DCC: variants seen among roughly 807,000 people sequenced by gnomAD.
DCC encodes DCC netrin 1 receptor.
In DCC, 58 loss-of-function variants were observed where a neutral mutation model predicts 172.5. That is an observed-to-expected ratio of 0.34 (90% CI 0.27 to 0.42). The LOEUF is 0.42. DCC is among the 10% of genes least tolerant of loss of function. The probability of loss-of-function intolerance (pLI) is 1.00; values close to 1 mark genes in which losing one functional copy is unlikely to be tolerated. For missense variants in DCC, 1,740 were observed against 1,791.0 expected, an observed-to-expected ratio of 0.97 and a Z score of 0.51; for synonymous variants, 709 against 644.5, an observed-to-expected ratio of 1.10 and a Z score of -1.52.
At chr18:52,608,296 G>T (rs950212248) in intron 1 of DCC, among the ~76,000 whole-genome samples, 1 of 152,134 alleles carries the variant, frequency 6.6e-6, no homozygotes, top group Non-Finnish European at 1.5e-5. Context: ...AACAGACCTT[G>T]TTTTGAACAC....
chr18:52,921,103 T>C (rs1432792824), intron 3 of DCC, among the ~76,000 whole-genome samples: 3 of 151,190 alleles, frequency 2.0e-5, no homozygotes, highest in Admixed American at 6.6e-5. Context: ...GTAATACATA[T>C]ATATGACATG....
At chr18:53,043,033 C>A (rs771870218) in intron 5 of DCC, among the ~76,000 whole-genome samples, 20 of 151,870 alleles carry the variant, frequency 1.3e-4, no homozygotes, top group Non-Finnish European at 2.5e-4. Context: ...TTTATTGCAG[C>A]AGTATTCACA....
chr18:53,353,767 C>A (rs2057841143), intron 15 of DCC, among the ~76,000 whole-genome samples: 1 of 151,378 alleles, frequency 6.6e-6, no homozygotes, highest in Non-Finnish European at 1.5e-5. Flanking sequence ...TGCACTTGTT[C>A]TTTTTTTTTA....
At chr18:52,709,256 T>C (rs1037576719) in intron 1 of DCC, among the ~76,000 whole-genome samples, 7 of 152,216 alleles carry the variant, frequency 4.6e-5, no homozygotes, top group Non-Finnish European at 7.4e-5. Context: ...GTATTTGATA[T>C]CTGTTCAATT....
intron 1 of DCC, among the ~76,000 whole-genome samples, chr18:52,389,403 G>A (rs541768009): frequency 3.9e-4 from 60 of 152,200 alleles, no homozygotes; most frequent in African/African-American, 1.3e-3. Flanking sequence ...TTAACTGGAC[G>A]TCTTGGATTT....
intron 1 of DCC, among the ~76,000 whole-genome samples, chr18:52,721,365 A>G (rs2036471580): frequency 6.6e-6 from 1 of 152,220 alleles, no homozygotes; most frequent in Admixed American, 6.5e-5. Context: ...AAAATTCTCA[A>G]AATAATGATA....
rs774448067 is a variant in DCC, at chr18:53,207,741, T to G, written c.1785T>G (p.Ser595Arg). Residue 595 changes from serine to arginine, a missense_variant, in exon 11 of 29, where the codon AGT (serine) becomes AGG (arginine). Physicochemically the swap from Ser to Arg is moderately radical, Grantham distance 110. Around this residue, in one of 2 missense-constraint regions of DCC, gnomAD observed 1,732 missense variants for 1,767.4 expected, o/e 0.98. Coordinates refer to ENST00000442544, the MANE Select transcript of DCC (RefSeq NM_005215.4). ...GCCTGAAAAAATTCACCGAATATAGTCTTCGATTCTTAGCTTATAATCGCT... is the reference window on the plus strand; with the variant it reads ...GCCTGAAAAAATTCACCGAATATAGGCTTCGATTCTTAGCTTATAATCGCT... ...LEGLKKFTEYSLRFLAYNRYG... is the reference protein window; with the variant it reads ...LEGLKKFTEYRLRFLAYNRYG... The G allele has an allele frequency of 1.9e-6, 3 of 1,612,780 alleles. No individual in the cohort carries two copies. In the Admixed American group the frequency reaches 5.0e-5, roughly 27 times the overall value.
chr18:53,526,926 G>T, intron 28 of DCC, 167 bp downstream of exon 28: 1 of 693,514 alleles, frequency 1.4e-6, no homozygotes, highest in East Asian at 2.7e-5. Context: ...ATATGAAGAG[G>T]AAATAAAAGC....
intron 23 of DCC, among the ~76,000 whole-genome samples, chr18:53,455,613 C>T (rs974601700): frequency 6.6e-6 from 1 of 152,158 alleles, no homozygotes; most frequent in African/African-American, 2.4e-5. Context: ...TTATTGTGTG[C>T]TTTATATGGG....
At chr18:52,646,490 C>T (rs1392341246) in intron 1 of DCC, among the ~76,000 whole-genome samples, 1 of 152,160 alleles carries the variant, frequency 6.6e-6, no homozygotes. Context: ...ACAAGACTGC[C>T]TGTTACTTCA....
At chr18:52,456,455 G>C (rs1321207629) in intron 1 of DCC, among the ~76,000 whole-genome samples, 1 of 152,060 alleles carries the variant, frequency 6.6e-6, no homozygotes, top group South Asian at 2.1e-4. Flanking sequence ...ATATAGTAAA[G>C]GTTATTCAAA....
intron 1 of DCC, among the ~76,000 whole-genome samples, chr18:52,685,669 A>C (rs2035819278): frequency 6.6e-6 from 1 of 152,044 alleles, no homozygotes. Flanking sequence ...ATAGCATAAT[A>C]GTGTTTGTTT....
intron 9 of DCC, among the ~76,000 whole-genome samples, chr18:53,181,280 A>G (rs1204531530): frequency 6.6e-6 from 1 of 152,134 alleles, no homozygotes; most frequent in African/African-American, 2.4e-5. Flanking sequence ...ATTACATTGC[A>G]TTTCTGATAA....
chr18:52,487,729 T>G (rs965389487), intron 1 of DCC, among the ~76,000 whole-genome samples: 6 of 143,654 alleles, frequency 4.2e-5, no homozygotes, highest in African/African-American at 1.5e-4. Flanking sequence ...AAGGATGGTT[T>G]GAATTCATGA....
chr18:53,449,620 G>C (rs1227838358), intron 22 of DCC, among the ~76,000 whole-genome samples: 1 of 152,180 alleles, frequency 6.6e-6, no homozygotes, highest in African/African-American at 2.4e-5. Context: ...GCATCAAATA[G>C]TGTTTCCTCA....
At chr18:53,150,777 G>A (rs2144376808) in intron 7 of DCC, among the ~76,000 whole-genome samples, 1 of 152,316 alleles carries the variant, frequency 6.6e-6, no homozygotes, top group East Asian at 1.9e-4. Context: ...GGTCTTCCTG[G>A]AATTGAGCAA....
intron 7 of DCC, among the ~76,000 whole-genome samples, chr18:53,130,064 G>C (rs1325002472): frequency 6.6e-6 from 1 of 152,038 alleles, no homozygotes; most frequent in Non-Finnish European, 1.5e-5. Flanking sequence ...TGTGTTACCT[G>C]TTTCCCTAGG....
intron 9 of DCC, among the ~76,000 whole-genome samples, chr18:53,183,524 T>C (rs1342093680): frequency 2.6e-5 from 4 of 152,092 alleles, no homozygotes; most frequent in Non-Finnish European, 4.4e-5. Context: ...GGTTTAATCA[T>C]AAAGGATGTT....
At chr18:53,253,065 A>C (rs1278710154) in intron 12 of DCC, among the ~76,000 whole-genome samples, 1 of 151,954 alleles carries the variant, frequency 6.6e-6, no homozygotes, top group African/African-American at 2.4e-5. Flanking sequence ...ATATCATTGT[A>C]TGTCAGAATA....
Sources: gnomAD v4.1 joint callset for allele counts (sites outside exome capture counted in the v4.1 genomes callset) on GRCh38, gnomAD v4.1.1 for gene constraint, gnomAD v4.1.1 regional missense constraint, MANE v1.5 for transcripts, NCBI Gene and HGNC (gene_info 2026-07-23, HGNC 2026-07-21) for gene names.